TEX11: variants seen among roughly 807,000 people sequenced by gnomAD.
TEX11 encodes the protein testis-expressed protein 11.
In TEX11, 7 loss-of-function variants were observed where a neutral mutation model predicts 84.4. The ratio of observed to expected loss-of-function variants is 0.08; its 90% CI spans 0.05 to 0.16. The LOEUF is 0.16. Ranked by LOEUF, TEX11 falls within the 10% of genes least tolerant of loss-of-function variation. The probability of loss-of-function intolerance (pLI) is 1.00; values close to 1 mark genes in which losing one functional copy is unlikely to be tolerated. For missense variants in TEX11, 551 were observed against 660.5 expected, an observed-to-expected ratio of 0.83 and a Z score of 1.82; for synonymous variants, 264 against 222.8, an observed-to-expected ratio of 1.18 and a Z score of -1.64.
At chrX:70,581,412 G>A (rs1222393157) in intron 25 of TEX11, among the ~76,000 whole-genome samples, 2 of 103,071 alleles carry the variant, frequency 1.9e-5, no homozygotes, top group African/African-American at 7.2e-5. Context: ...AATTCTCCTA[G>A]CACAGCCTCC....
chrX:70,719,984 T>A (rs2090542914), intron 13 of TEX11, among the ~76,000 whole-genome samples: 1 of 111,627 alleles, frequency 9.0e-6, no homozygotes. Context: ...GGTCTAGAAC[T>A]AGAAATACCA....
At chrX:70,670,605 G>T in intron 15 of TEX11, 91 bp from the exon 16 acceptor site, 1 of 1,028,601 alleles carries the variant, frequency 9.7e-7, no homozygotes, top group Non-Finnish European at 1.3e-6. Flanking sequence ...AGATGCTGTT[G>T]GTTTCTTTTT....
intron 20 of TEX11, among the ~76,000 whole-genome samples, chrX:70,622,412 C>G: frequency 8.9e-6 from 1 of 112,052 alleles, no homozygotes; most frequent in Non-Finnish European, 1.9e-5. Flanking sequence ...TCCCTTACCC[C>G]ATTTCCCAAT....
intron 8 of TEX11, among the ~76,000 whole-genome samples, chrX:70,810,567 C>A (rs1305343650): frequency 9.0e-6 from 1 of 111,255 alleles, no homozygotes; most frequent in Non-Finnish European, 1.9e-5. Flanking sequence ...ACCGCATGTT[C>A]TCACTCATAA....
the TEX11 span, among the ~76,000 whole-genome samples, chrX:70,517,965 A>T: frequency 1.4e-4 from 15 of 109,049 alleles, no homozygotes; most frequent in African/African-American, 5.0e-4. Flanking sequence ...ATCGGTGGTG[A>T]TATCCCCTTT....
chrX:70,778,601 C>A (rs1395284507), intron 9 of TEX11, among the ~76,000 whole-genome samples: 1 of 110,916 alleles, frequency 9.0e-6, no homozygotes, highest in Non-Finnish European at 1.9e-5. Flanking sequence ...ACTACAGATG[C>A]AGGCTACCAC....
At chrX:70,599,433 C>G (rs2089058823) in intron 24 of TEX11, among the ~76,000 whole-genome samples, 1 of 112,270 alleles carries the variant, frequency 8.9e-6, no homozygotes, top group Non-Finnish European at 1.9e-5. Context: ...TATATTCCTT[C>G]ATCAGCTACT....
At chrX:70,611,566 T>C (rs2089261335) in intron 20 of TEX11, among the ~76,000 whole-genome samples, 1 of 111,985 alleles carries the variant, frequency 8.9e-6, no homozygotes, top group Non-Finnish European at 1.9e-5. Context: ...AAAATCTCTT[T>C]ATGCATCTTG....
chrX:70,900,509 A>G (rs1054196432), intron 2 of TEX11, among the ~76,000 whole-genome samples: 2 of 111,014 alleles, frequency 1.8e-5, no homozygotes, highest in African/African-American at 6.5e-5. Context: ...TGCCTACATC[A>G]AAAAAGAGGA....
chrX:70,561,443 G>GGT (rs1373732206), intron 25 of TEX11, among the ~76,000 whole-genome samples: 7 of 95,661 alleles, frequency 7.3e-5, no homozygotes, highest in African/African-American at 2.7e-4. Context: ...GCTGGAGTGT[G>GGT]GTGGCGTGAT....
intron 25 of TEX11, among the ~76,000 whole-genome samples, chrX:70,576,880 A>T (rs1483628514): frequency 1.8e-5 from 2 of 112,268 alleles, no homozygotes; most frequent in African/African-American, 6.5e-5. Flanking sequence ...ATCTACAATA[A>T]CAAGAAAAGA....
chrX:70,806,118 T>C (rs1357999670), intron 9 of TEX11, among the ~76,000 whole-genome samples: 2 of 111,708 alleles, frequency 1.8e-5, no homozygotes, highest in Non-Finnish European at 3.8e-5. Context: ...TTGATAGAGA[T>C]ATAAAGGAGG....
chrX:70,726,684 C>T (rs1569420750), intron 11 of TEX11, among the ~76,000 whole-genome samples: 1 of 110,251 alleles, frequency 9.1e-6, no homozygotes, highest in Non-Finnish European at 1.9e-5. Context: ...GTACACTCTA[C>T]CACATCTGGC....
At chrX:70,848,243 G>C (rs1188976053) in intron 7 of TEX11, among the ~76,000 whole-genome samples, 1 of 112,058 alleles carries the variant, frequency 8.9e-6, no homozygotes, top group Non-Finnish European at 1.9e-5. Flanking sequence ...TCTCAACCTG[G>C]CCCTACTTAT....
At position 70,901,807 on chromosome X, in the gene TEX11, T is replaced by TC. The variant is rs1020113392; in HGVS notation, c.37+5945dup. Among the ~76,000 whole-genome samples, 4 of 112,406 alleles carry TC rather than the reference T, an allele frequency of 3.6e-5. No homozygotes were observed. The Admixed American group carries it at 3.8e-4, about 11-fold the overall frequency. On this transcript the variant is annotated intron_variant, in intron 2 of 29. Coordinates refer to ENST00000374333, the MANE Select transcript of TEX11 (RefSeq NM_031276.3). Reference sequence around the variant, plus strand: ...ACAAGATGGTATAGCCTACTACACATCTAGGCTATATGGTATAGCCTATTG... The same window carrying TC: ...ACAAGATGGTATAGCCTACTACACATCCTAGGCTATATGGTATAGCCTATTG...
chrX:70,604,025 T>C (rs1373360342), intron 24 of TEX11, among the ~76,000 whole-genome samples: 3 of 111,802 alleles, frequency 2.7e-5, no homozygotes, highest in South Asian at 3.7e-4. Context: ...AAGAAGATTA[T>C]AGAAAGGTTA....
intron 11 of TEX11, among the ~76,000 whole-genome samples, chrX:70,729,321 T>C (rs1303963740): frequency 8.9e-6 from 1 of 112,205 alleles, no homozygotes; most frequent in Non-Finnish European, 1.9e-5. Flanking sequence ...AGAATGACTT[T>C]GACGAGTTGA....
intron 7 of TEX11, among the ~76,000 whole-genome samples, chrX:70,850,668 T>C (rs1170015753): frequency 9.1e-6 from 1 of 110,134 alleles, no homozygotes; most frequent in East Asian, 2.8e-4. Flanking sequence ...GGGAGGAGGA[T>C]CCCTTGAGCC....
intron 13 of TEX11, among the ~76,000 whole-genome samples, chrX:70,705,955 C>T (rs377392227): frequency 7.7e-4 from 86 of 111,166 alleles, no homozygotes; most frequent in African/African-American, 2.5e-3. Context: ...ATCCCATTAC[C>T]GGGTATATAC....
Sources: gnomAD v4.1 joint callset for allele counts (sites outside exome capture counted in the v4.1 genomes callset) on GRCh38, gnomAD v4.1.1 for gene constraint, MANE v1.5 for transcripts, NCBI Gene and HGNC (gene_info 2026-07-23, HGNC 2026-07-21) for gene names.